The following TTN variants were observed in gnomAD, a reference collection of about 807,000 sequenced individuals.
TTN encodes titin.
In TTN, 1,525 loss-of-function variants were observed where a neutral mutation model predicts 3,223.0. The observed-to-expected ratio is 0.47, with a 90% CI of 0.45 to 0.49. The LOEUF is 0.49. Among genes scored for constraint, TTN ranks in the 20% least tolerant of loss-of-function variants. TTN has a pLI of 0.00. For missense variants in TTN, 40,786 were observed against 43,424.0 expected, an observed-to-expected ratio of 0.94 and a Z score of 5.40; for synonymous variants, 14,094 against 15,161.0, an observed-to-expected ratio of 0.93 and a Z score of 5.17.
intron 47 of TTN, chr2:178,749,529 C>A (rs764064143): frequency 5.0e-6 from 8 of 1,612,794 alleles, no homozygotes; most frequent in South Asian, 3.3e-5. Context: ...AAGGGACCAG[C>A]TGGATAATCA....
chr2:178,786,184 A>G (rs767385410), intron 13 of TTN, 43 bp from the exon 14 acceptor site: 1 of 1,603,368 alleles, frequency 6.2e-7, no homozygotes, highest in Non-Finnish European at 8.5e-7. Flanking sequence ...GAATATCGAG[A>G]TCAGGCTGGA....
At chr2:178,663,372 A>G in intron 172 of TTN, 23 bp from the exon 173 acceptor site, 1 of 1,603,236 alleles carries the variant, frequency 6.2e-7, no homozygotes. Flanking sequence ...TAGTATTTTC[A>G]TTATTAGACA....
Position 178,575,624 on chromosome 2 carries a change from C to T in TTN, c.70508G>A (p.Cys23503Tyr), listed in dbSNP as rs1466729716. The T allele has an allele frequency of 6.2e-7, 1 of 1,613,590 alleles. No homozygotes were observed. Among genetic ancestry groups the T allele is most frequent in the South Asian group, 1.1e-5 (1 of 91,066 alleles). Reference protein sequence around the residue: ...TYKVTGLSEGCEYFFRVMAEN... With the variant: ...TYKVTGLSEGYEYFFRVMAEN... ...TGCCATCACTCTGAAGAAATATTCA[C>T]ACCCTTCAGACAAGCCGGTAACTTT... Residue 23503 changes from cysteine (C) to tyrosine (Y), a missense_variant, in exon 326 of 363, where the codon TGT (cysteine) becomes TAT (tyrosine). Cys to Tyr is a radical substitution (Grantham distance 194). Transcript: ENST00000589042. This position sits in a 1 kb window ranked among gnomAD's most constrained non-coding sequence, Gnocchi z 4.0.
Position 178,563,411 on chromosome 2 carries a change from G to A in TTN, c.82721C>T (p.Pro27574Leu). 6 of 1,613,556 alleles carry A rather than the reference G, an allele frequency of 3.7e-6. No homozygotes were observed. The highest frequency in any genetic ancestry group is 2.2e-5 in the East Asian group (1 of 44,758). The change falls in exon 326 of 363, where the codon CCA (proline) becomes CTA (leucine). Residue 27574 changes from proline to leucine, a missense_variant. Pro to Leu is a moderately conservative substitution (Grantham distance 98, BLOSUM62 -3). Transcript: ENST00000589042. This position sits in a 1 kb window ranked among gnomAD's most constrained non-coding sequence, Gnocchi z 4.5. ...ACDALYPPGP[P>L]SNPKVTDTSR... ...AGTGTCCGTCACTTTTGGATTGCTT[G>A]GGGGACCTGGTGGATACAAGGCATC...
intron 216 of TTN, 146 bp downstream of exon 216, chr2:178,646,339 C>A: frequency 2.0e-6 from 1 of 504,154 alleles, no homozygotes; most frequent in African/African-American, 1.9e-5. Flanking sequence ...TACATGGAAA[C>A]CTAAGAATGA....
chr2:178,583,353 T>C (rs2048207754), intron 312 of TTN, 126 bp from the exon 313 acceptor site: 1 of 1,050,292 alleles, frequency 9.5e-7, no homozygotes, highest in Non-Finnish European at 1.3e-6. Context: ...TTTCATTTTG[T>C]TTATTTTTAA....
Position 178,618,046 on chromosome 2 carries a change from C to G in TTN, c.47305G>C (p.Asp15769His). The change falls in exon 253 of 363, where the codon GAT becomes CAT. Residue 15769 changes from aspartate (D) to histidine (H), a missense_variant. By Grantham distance (81) the Asp-to-His change is moderately conservative. Coordinates refer to ENST00000589042, the MANE Select transcript of TTN (RefSeq NM_001267550.2). ...PGPPLNVTIT[D>H]VNRFGVSLTW... ...AGTGAGACACCAAATCGATTCACAT[C>G]AGTGATGGTTACATTCAAAGGAGGG... The G allele has an allele frequency of 6.2e-7, 1 of 1,612,350 alleles. No homozygotes were observed. Among genetic ancestry groups the G allele is most frequent in the South Asian group, 1.1e-5 (1 of 91,030 alleles).
Position 178,738,302 on chromosome 2 carries a change from G to T in TTN, c.14151C>A (p.Ala4717=). 5.0e-6 allele frequency: 8 copies of T among 1,613,522 alleles called. No individual in the cohort carries two copies. The highest frequency in any genetic ancestry group is 5.1e-6 in the Non-Finnish European group (6 of 1,179,680). Residue 4717 remains alanine (A), a synonymous_variant, in exon 49 of 363, where the codon GCC becomes GCA. Transcript: ENST00000589042. The part of the protein sequence containing the change: ...EPLEVALGHL[A]KFTCEIQSAP... The stretch of plus-strand genomic sequence containing the variant: ...CACTTTGGATCTCACAGGTGAATTT[G>T]GCTAGGTGGCCCAGTGCTACTTCCA...
Position 178,563,237 on chromosome 2 carries a change from G to C in TTN, c.82895C>G (p.Thr27632Arg). Residue 27632 changes from threonine to arginine, a missense_variant, in exon 326 of 363, where the codon ACA becomes AGA. By Grantham distance (71) the Thr-to-Arg change is moderately conservative (BLOSUM62 -1). Transcript: ENST00000589042. This position sits in a 1 kb window ranked among gnomAD's most constrained non-coding sequence, Gnocchi z 4.5. ...AGTGTTTTCTTTAAGCTTGGTCACT[G>C]TGAACTGCTTTCCTTGTAATCCTGT... ...PPTGLQGKQF[T>R]VTKLKENTEY... 6.2e-7 allele frequency: 1 copy of C among 1,613,714 alleles called. No individual in the cohort carries two copies. The highest frequency in any genetic ancestry group is 8.5e-7 in the Non-Finnish European group (1 of 1,179,710).
chr2:178,762,675 TTAG>T (rs1368680937), intron 43 of TTN, among the ~76,000 whole-genome samples: 1 of 152,208 alleles, frequency 6.6e-6, no homozygotes, highest in Admixed American at 6.5e-5. Flanking sequence ...TATTATTGTG[TTAG>T]TAGGATATTA....
rs1400469796 is a variant in TTN at position 178,602,049 on chromosome 2, G to A, written c.55222C>T (p.Pro18408Ser). ...CCATCAAATTCCCAAGATGATTTTG[G>A]TGTTGGGCGTCCCTTGATGACAGCA... Reference protein sequence around the residue: ...IPAVIKGRPTPKSSWEFDGKA... With the variant: ...IPAVIKGRPTSKSSWEFDGKA... Residue 18408 changes from proline to serine, a missense_variant, in exon 284 of 363, where the codon CCA becomes TCA. Transcript: ENST00000589042. 5 of 1,612,500 alleles carry A rather than the reference G, an allele frequency of 3.1e-6. No homozygotes were observed. The African/African-American group carries it at 6.7e-5, about 22-fold the overall frequency.
At position 178,545,428 on chromosome 2, in the gene TTN, G is replaced by C. The variant is rs1014172039; in HGVS notation, c.95682C>G (p.Pro31894=). The C allele has an allele frequency of 6.2e-7, 1 of 1,600,944 alleles. No homozygotes were observed. The highest frequency in any genetic ancestry group is 8.5e-7 in the Non-Finnish European group (1 of 1,170,672). ...ATGAGATGAAGTTGGAAGCTTCGCTGGGCTCACTGTTACCAGCTGCATTCA... is the reference window on the plus strand; with the variant it reads ...ATGAGATGAAGTTGGAAGCTTCGCTCGGCTCACTGTTACCAGCTGCATTCA... ...TAVNAAGNSE[P]SEASNFISCR... is the part of the protein sequence containing the mutation. Residue 31894 remains proline (P), a synonymous_variant, in exon 344 of 363, where the codon CCC becomes CCG. Coordinates refer to ENST00000589042, the MANE Select transcript of TTN (RefSeq NM_001267550.2).
intron 240 of TTN, 128 bp from the exon 241 acceptor site, chr2:178,625,524 A>G (rs946374390): frequency 2.2e-5 from 21 of 975,812 alleles, no homozygotes; most frequent in Non-Finnish European, 2.8e-5. Flanking sequence ...TTTAGCACGT[A>G]TGCATTCAAA....
At position 178,571,353 on chromosome 2, in the gene TTN, C is replaced by G. The variant is rs1468819805; in HGVS notation, c.74779G>C (p.Val24927Leu). ...VTLSSRDSME[V>L]QWNEPISDGG... The stretch of plus-strand genomic sequence containing the variant: ...TCACTGATTGGCTCATTCCATTGTA[C>G]TTCCATGCTGTCCCTGGAGGACAGT... The change falls in exon 326 of 363, where the codon GTA becomes CTA. Residue 24927 changes from valine to leucine, a missense_variant. Physicochemically the swap from Val to Leu is conservative, Grantham distance 32. Transcript: ENST00000589042. The G allele has an allele frequency of 6.2e-7, 1 of 1,613,384 alleles. No homozygotes were observed. The highest frequency in any genetic ancestry group is 8.5e-7 in the Non-Finnish European group (1 of 1,179,560).
At position 178,590,038 on chromosome 2, in the gene TTN, T is replaced by C. The variant is rs1278288633; in HGVS notation, c.61687A>G (p.Ile20563Val). ...NSSGHAQGSAIVNVLDRPGPC... is the reference protein window; with the variant it reads ...NSSGHAQGSAVVNVLDRPGPC... Reference sequence around the variant, plus strand: ...CCAGGTCTGTCAAGGACGTTAACGATGGCTGAACCTTGGGCATGTCCACTG... The same window carrying C: ...CCAGGTCTGTCAAGGACGTTAACGACGGCTGAACCTTGGGCATGTCCACTG... Residue 20563 changes from isoleucine to valine, a missense_variant, in exon 304 of 363, where the codon ATC (isoleucine) becomes GTC (valine). By Grantham distance (29) the Ile-to-Val change is conservative (BLOSUM62 3). Coordinates refer to ENST00000589042, the MANE Select transcript of TTN (RefSeq NM_001267550.2). 6.2e-7 allele frequency: 1 copy of C among 1,613,164 alleles called. No homozygotes were observed. The highest frequency in any genetic ancestry group is 2.2e-5 in the East Asian group (1 of 44,712).
In TTN at chr2:178,593,650, A is replaced by G. The variant is rs1559615512; in HGVS notation, c.58650T>C (p.Tyr19550=). The change falls in exon 298 of 363, where the codon TAT becomes TAC. Residue 19550 remains tyrosine (Y), a synonymous_variant. Transcript: ENST00000589042. ...GATTTTCAGCATGTATCCGGAAAAT[A>G]TAATCTTTTCCTTCAAGTAGTTTAG... ...KVSKLLEGKD[Y]IFRIHAENLY... is the part of the protein sequence containing the mutation. 4 of 1,613,154 alleles carry G rather than the reference A, an allele frequency of 2.5e-6. No individual in the cohort carries two copies. The highest frequency in any genetic ancestry group is 3.4e-6 in the Non-Finnish European group (4 of 1,179,558).
At chr2:178,779,743 T>C (rs184354991) in intron 22 of TTN, 4 of 538,406 alleles carry the variant, frequency 7.4e-6, no homozygotes, top group Admixed American at 3.4e-5. Context: ...TGAACTCAGC[T>C]GTGCTAATAT....
chr2:178,615,850 A>C, intron 257 of TTN, 62 bp from the exon 258 acceptor site: 2 of 1,526,544 alleles, frequency 1.3e-6, no homozygotes, highest in Non-Finnish European at 1.8e-6. Context: ...AACCCAAAAG[A>C]TTTTTACCAT....
Position 178,546,580 on chromosome 2 carries a change from G to C in TTN, c.94828+20C>G. ...TAAATTGAGATAATTTTAAAAAGGA[G>C]AATGTTGACTATTTCCTACCGTATT... On this transcript the variant is annotated intron_variant, in intron 341 of 362. Coordinates refer to ENST00000589042, the MANE Select transcript of TTN (RefSeq NM_001267550.2). 1 of 1,598,340 alleles carries C rather than the reference G, an allele frequency of 6.3e-7. No individual in the cohort carries two copies. The highest frequency in any genetic ancestry group is 8.6e-7 in the Non-Finnish European group (1 of 1,169,582).
Sources: allele counts gnomAD v4.1 joint callset (sites outside exome capture counted in the v4.1 genomes callset), GRCh38; gene constraint gnomAD v4.1.1; non-coding constraint Gnocchi (gnomAD v3.1); transcripts MANE v1.5; gene names NCBI Gene and HGNC (gene_info 2026-07-23, HGNC 2026-07-21).